The following PCSK5 variants were observed in gnomAD, a reference collection of about 807,000 sequenced individuals.
PCSK5 encodes the protein proprotein convertase subtilisin/kexin type 5.
In PCSK5, 129 loss-of-function variants were observed where a neutral mutation model predicts 233.2. The observed-to-expected ratio is 0.55, with a 90% CI of 0.48 to 0.64. The LOEUF (loss-of-function observed/expected upper bound fraction) is 0.64, where lower values mean the gene tolerates loss of function less well. PCSK5 is among the 30% of genes least tolerant of loss of function. The pLI, the probability that PCSK5 is intolerant of heterozygous loss-of-function variation, is 0.00. For synonymous variants in PCSK5, 825 were observed against 879.2 expected (o/e 0.94, Z 1.09); for missense variants, 2,076 against 2,430.1 (o/e 0.85, Z 3.06).
intron 3 of PCSK5, among the ~76,000 whole-genome samples, chr9:76,004,115 C>T (rs984341498): frequency 2.0e-5 from 3 of 152,044 alleles, no homozygotes; most frequent in Admixed American, 6.6e-5. Context: ...TCTCTTTTAA[C>T]TATTAATCTA....
chr9:76,150,432 G>A (rs762465830), intron 10 of PCSK5, among the ~76,000 whole-genome samples: 79 of 152,220 alleles, frequency 5.2e-4, no homozygotes, highest in Admixed American at 7.8e-4. Context: ...TCAGGAGTTC[G>A]AGACCAGCCT....
At chr9:76,120,875 G>A (rs1380118559) in intron 9 of PCSK5, among the ~76,000 whole-genome samples, 2 of 152,062 alleles carry the variant, frequency 1.3e-5, no homozygotes, top group African/African-American at 4.8e-5. Context: ...AGTGGAAGTC[G>A]TATTTCTTAA....
intron 7 of PCSK5, among the ~76,000 whole-genome samples, chr9:76,094,673 G>T (rs2131647021): frequency 6.6e-6 from 1 of 151,998 alleles, no homozygotes; most frequent in South Asian, 2.1e-4. Context: ...CATGACCTCG[G>T]CTCATTGCAA....
At chr9:76,357,463 G>A (rs1456500185) in intron 37 of PCSK5, among the ~76,000 whole-genome samples, 2 of 152,084 alleles carry the variant, frequency 1.3e-5, no homozygotes, top group Non-Finnish European at 2.9e-5. Context: ...GCTGCAGTGA[G>A]CCGAGCTATT....
chr9:76,086,845 A>T (rs757214816), intron 7 of PCSK5, among the ~76,000 whole-genome samples: 1 of 152,172 alleles, frequency 6.6e-6, no homozygotes, highest in Non-Finnish European at 1.5e-5. Context: ...TGAAGCTTTT[A>T]TGTGTCCAAC....
At chr9:76,149,070 G>A (rs1212965794) in intron 10 of PCSK5, among the ~76,000 whole-genome samples, 2 of 152,096 alleles carry the variant, frequency 1.3e-5, no homozygotes, top group East Asian at 1.9e-4. Context: ...TCTCAGTAAT[G>A]GCTTACTTTT....
intron 3 of PCSK5, among the ~76,000 whole-genome samples, chr9:75,999,490 C>T (rs1360656570): frequency 1.3e-5 from 2 of 152,202 alleles, no homozygotes; most frequent in Non-Finnish European, 2.9e-5. Flanking sequence ...TAAAAGTATC[C>T]CTTATGGAAA....
intron 5 of PCSK5, among the ~76,000 whole-genome samples, chr9:76,064,174 A>T (rs1340588253): frequency 4.2e-5 from 3 of 71,610 alleles, no homozygotes; most frequent in South Asian, 5.6e-4. Context: ...GCGGCTGGCC[A>T]GGCGGGGGGC....
rs1404267076 is a variant in PCSK5 at position 75,902,240 on chromosome 9, AAAAG to A, written c.192+10871_192+10874del. On this transcript the variant is annotated intron_variant, in intron 1 of 37. Coordinates refer to ENST00000674117, the MANE Select transcript of PCSK5 (RefSeq NM_001372043.1). ...AAAAAAAAAAAAAAAAAAAAAAAAAAAAAGAAAAGGACAAAACAAGGAGTTTGAA... is the reference window on the plus strand; with the variant it reads ...AAAAAAAAAAAAAAAAAAAAAAAAAAAAAAGGACAAAACAAGGAGTTTGAA... 2.4e-3 allele frequency among the ~76,000 whole-genome samples: 340 copies of A among 140,570 alleles called. 23 individuals carry two copies. The highest frequency in any genetic ancestry group is 1.0e-2 in the African/African-American group (323 of 32,312). 92.2% of individuals were successfully genotyped at this position (140,570 alleles called of 152,430 possible).
At chr9:76,185,837 T>C (rs1324946459) in intron 17 of PCSK5, among the ~76,000 whole-genome samples, 1 of 152,188 alleles carries the variant, frequency 6.6e-6, no homozygotes, top group East Asian at 1.9e-4. Context: ...ATGATAATAA[T>C]AATCCCTGTT....
At chr9:76,019,881 T>C (rs923311068) in intron 3 of PCSK5, among the ~76,000 whole-genome samples, 8 of 152,258 alleles carry the variant, frequency 5.3e-5, no homozygotes, top group Non-Finnish European at 1.0e-4. Context: ...ATATTTTCCA[T>C]TTTATGTGTC....
intron 3 of PCSK5, among the ~76,000 whole-genome samples, chr9:75,992,157 T>C (rs1826794332): frequency 6.6e-6 from 1 of 152,156 alleles, no homozygotes; most frequent in African/African-American, 2.4e-5. Context: ...GAATGGAGTA[T>C]CATCTATATA....
At chr9:75,937,454 C>T (rs1476871749) in intron 2 of PCSK5, among the ~76,000 whole-genome samples, 1 of 152,194 alleles carries the variant, frequency 6.6e-6, no homozygotes, top group Non-Finnish European at 1.5e-5. Flanking sequence ...GCTGGGATTA[C>T]AGCTGTGAGC....
intron 1 of PCSK5, among the ~76,000 whole-genome samples, chr9:75,892,555 C>T (rs1043751552): frequency 5.3e-5 from 8 of 152,220 alleles, no homozygotes; most frequent in Non-Finnish European, 1.2e-4. Flanking sequence ...ACGCACCCTG[C>T]GTGCTCTGCC....
At chr9:76,320,940 G>A (rs2017822) in intron 30 of PCSK5, among the ~76,000 whole-genome samples, 30,591 of 151,514 alleles carry the variant, frequency 0.2, 3,194 homozygotes, top group African/African-American at 0.23. Context: ...TCAGCCTCCC[G>A]AGTAGCTGAG....
At chr9:76,341,291 T>G (rs1018844583) in intron 35 of PCSK5, among the ~76,000 whole-genome samples, 1 of 152,182 alleles carries the variant, frequency 6.6e-6, no homozygotes, top group Admixed American at 6.6e-5. Context: ...ATCTTTCTGT[T>G]TGTGTCTTAT....
At chr9:75,919,036 C>T (rs1223132168) in intron 1 of PCSK5, among the ~76,000 whole-genome samples, 1 of 152,264 alleles carries the variant, frequency 6.6e-6, no homozygotes, top group Non-Finnish European at 1.5e-5. Context: ...TTGACAAATG[C>T]GTATGGTTGT....
chr9:76,342,985 C>T (rs1001407939), intron 35 of PCSK5, among the ~76,000 whole-genome samples: 1 of 152,136 alleles, frequency 6.6e-6, no homozygotes, highest in Non-Finnish European at 1.5e-5. Context: ...TTAGTTCAGA[C>T]TCATCATTCA....
intron 2 of PCSK5, among the ~76,000 whole-genome samples, chr9:75,985,897 G>C (rs1826490946): frequency 6.6e-6 from 1 of 152,044 alleles, no homozygotes; most frequent in Non-Finnish European, 1.5e-5. Context: ...TTGTTGTTGA[G>C]AGGTATAAAT....
Sources: allele counts gnomAD v4.1 joint callset (sites outside exome capture counted in the v4.1 genomes callset), GRCh38; gene constraint gnomAD v4.1.1; transcripts MANE v1.5; gene names NCBI Gene and HGNC (gene_info 2026-07-23, HGNC 2026-07-21).